MON2: variants seen among roughly 807,000 people sequenced by gnomAD.
MON2 encodes MON2 regulator of endosome-to-Golgi trafficking, also known as protein MON2 homolog.
A neutral mutation model predicts 208.6 loss-of-function variants in MON2; 84 were observed. That is an observed-to-expected ratio of 0.40 (90% CI 0.34 to 0.48). The LOEUF (loss-of-function observed/expected upper bound fraction) is 0.48. Among genes scored for constraint, MON2 ranks in the 20% least tolerant of loss-of-function variants. MON2 has a pLI of 0.59. For missense variants in MON2, 1,611 were observed against 2,015.4 expected (o/e 0.80, Z 3.84); for synonymous variants, 660 against 694.0 (o/e 0.95, Z 0.77).
chr12:62,548,565 C>G (rs1448488510), intron 22 of MON2, among the ~76,000 whole-genome samples: 1 of 152,068 alleles, frequency 6.6e-6, no homozygotes, highest in Admixed American at 6.5e-5. Context: ...GTTAATTTTT[C>G]TTAAATATTT....
chr12:62,545,410 T>C (rs1382767818), intron 21 of MON2, among the ~76,000 whole-genome samples: 1 of 152,094 alleles, frequency 6.6e-6, no homozygotes, highest in Non-Finnish European at 1.5e-5. Context: ...AATAGATTTT[T>C]TATTTTAAAA....
chr12:62,509,346 C>A (rs2071274388), intron 8 of MON2, among the ~76,000 whole-genome samples: 1 of 152,046 alleles, frequency 6.6e-6, no homozygotes, highest in South Asian at 2.1e-4. Context: ...AACTCCTGAC[C>A]TCAGGTGATC....
chr12:62,581,905 C>G (rs11174556), intron 32 of MON2, among the ~76,000 whole-genome samples: 6,856 of 152,274 alleles, frequency 0.045, 217 homozygotes, highest in Non-Finnish European at 0.059. Flanking sequence ...AGAGCCTTAA[C>G]TAGCTTCTCC....
chr12:62,546,173 G>A (rs544159682), intron 21 of MON2, among the ~76,000 whole-genome samples: 131 of 151,884 alleles, frequency 8.6e-4, no homozygotes, highest in Non-Finnish European at 1.6e-3. Context: ...TCACACTTGA[G>A]AATTTTACAT....
intron 29 of MON2, 86 bp from the exon 30 acceptor site, chr12:62,571,306 A>G (rs965666319): frequency 2.8e-5 from 29 of 1,038,770 alleles, no homozygotes; most frequent in South Asian, 8.6e-5. Flanking sequence ...TACCTATGCT[A>G]TTTTTTCTCT....
chr12:62,520,040 C>T (rs940258681), intron 8 of MON2, among the ~76,000 whole-genome samples: 2 of 152,250 alleles, frequency 1.3e-5, no homozygotes, highest in South Asian at 2.1e-4. Flanking sequence ...TGGTCTCGAT[C>T]TCCTGACCTC....
intron 7 of MON2, among the ~76,000 whole-genome samples, chr12:62,506,014 T>C (rs1448543134): frequency 1.3e-5 from 2 of 150,802 alleles, no homozygotes; most frequent in African/African-American, 2.4e-5. Flanking sequence ...AGAAGTAGAG[T>C]TGGGATGGTT....
chr12:62,584,794 T>A (rs904440159), intron 32 of MON2, among the ~76,000 whole-genome samples: 26 of 149,434 alleles, frequency 1.7e-4, no homozygotes, highest in African/African-American at 6.4e-4. Flanking sequence ...TGGCAAAGAC[T>A]AGTTTCAGGA....
At chr12:62,473,399 T>G (rs578109595) in intron 1 of MON2, among the ~76,000 whole-genome samples, 10 of 152,328 alleles carry the variant, frequency 6.6e-5, no homozygotes, top group Non-Finnish European at 1.3e-4. Context: ...TATATCATGC[T>G]GCACATGCCT....
intron 9 of MON2, 71 bp from the exon 10 acceptor site, chr12:62,525,013 G>T: frequency 7.9e-7 from 1 of 1,258,760 alleles, no homozygotes; most frequent in Non-Finnish European, 1.1e-6. Context: ...AATATCACTT[G>T]CTATAAAAAG....
intron 2 of MON2, among the ~76,000 whole-genome samples, chr12:62,485,282 TATTAA>T (rs1216783186): frequency 1.3e-5 from 2 of 152,256 alleles, no homozygotes; most frequent in African/African-American, 4.8e-5. Context: ...AAAGTAGTCC[TATTAA>T]ATTAATTTAC....
In MON2 at chr12:62,597,572, A is replaced by C. The variant is rs2075553206; in HGVS notation, c.*4823A>C. On this transcript the variant is annotated 3_prime_UTR_variant, in exon 35 of 35. Coordinates refer to ENST00000393630, the MANE Select transcript of MON2 (RefSeq NM_015026.3). The stretch of plus-strand genomic sequence containing the variant: ...GCCATAAAAAACTAAAAATAAAAAA[A>C]AATTGTGACTATAACTCCTACTGTC... The C allele has an allele frequency of 6.6e-6, 1 of 152,222 alleles. No individual in the cohort carries two copies. Among genetic ancestry groups the C allele is most frequent in the Non-Finnish European group, 1.5e-5 (1 of 68,026 alleles). 9.4% of individuals were successfully genotyped at this position (152,222 alleles called of 1,614,324 possible).
In MON2 at chr12:62,578,342, G is replaced by A. The variant is rs541378352; in HGVS notation, c.4515-103G>A. On this transcript the variant is annotated intron_variant, in intron 30 of 34. Coordinates refer to ENST00000393630, the MANE Select transcript of MON2 (RefSeq NM_015026.3). ...AATAAATAATAATGCCCCAACCTGG[G>A]TTGGAAGACATAATTTTTTGACATT... is the stretch of plus-strand genomic sequence containing the variant. 186 of 737,468 alleles carry A rather than the reference G, an allele frequency of 2.5e-4. 3 individuals are homozygous for A. The South Asian group carries it at 3.2e-3, about 13-fold the overall frequency. 45.7% of individuals were successfully genotyped at this position (737,468 alleles called of 1,614,324 possible).
In MON2 at chr12:62,543,102, A is replaced by G. The variant is rs762448121; in HGVS notation, c.2370A>G (p.Pro790=). The change falls in exon 20 of 35, where the codon CCA becomes CCG. Residue 790 remains proline (P), a synonymous_variant. Transcript: ENST00000393630. ...ACAATGTATTTTCTCCCTAGGAACC[A>G]TCTCTTTTTGCTGTTGCCAAATTGT... ...MDMAYGNNKE[P]SLFAVAKLLE... 1.3e-6 allele frequency: 2 copies of G among 1,547,086 alleles called. No homozygotes were observed. The highest frequency in any genetic ancestry group is 2.0e-5 in the Admixed American group (1 of 50,354).
intron 26 of MON2, among the ~76,000 whole-genome samples, chr12:62,563,283 G>A (rs1009138888): frequency 3.9e-5 from 6 of 152,166 alleles, no homozygotes; most frequent in African/African-American, 1.4e-4. Flanking sequence ...TATTTGTAAG[G>A]CACTTAGTGC....
intron 29 of MON2, among the ~76,000 whole-genome samples, chr12:62,569,288 CT>C (rs1257934894): frequency 6.6e-6 from 1 of 152,106 alleles, no homozygotes; most frequent in Non-Finnish European, 1.5e-5. Flanking sequence ...CCCTATATCA[CT>C]TAGTATTCTT....
chr12:62,530,610 A>G (rs1308416803), intron 11 of MON2, among the ~76,000 whole-genome samples: 1 of 152,216 alleles, frequency 6.6e-6, no homozygotes, highest in Admixed American at 6.5e-5. Context: ...TGATATTCCA[A>G]TATATGGAAT....
intron 2 of MON2, among the ~76,000 whole-genome samples, chr12:62,486,541 AT>A (rs1001100858): frequency 6.6e-6 from 1 of 152,040 alleles, no homozygotes; most frequent in African/African-American, 2.4e-5. Context: ...TTATCCTAGT[AT>A]TTTTTCTGAA....
At chr12:62,546,611 G>A (rs1185701570) in intron 21 of MON2, among the ~76,000 whole-genome samples, 5 of 151,910 alleles carry the variant, frequency 3.3e-5, no homozygotes, top group South Asian at 2.1e-4. Context: ...AAGATTAGCC[G>A]GGCATGGTGG....
Sources: allele counts gnomAD v4.1 joint callset (sites outside exome capture counted in the v4.1 genomes callset), GRCh38; gene constraint gnomAD v4.1.1; transcripts MANE v1.5; gene names NCBI Gene and HGNC (gene_info 2026-07-23, HGNC 2026-07-21).